The following ZNF362 variants were observed in gnomAD, a reference collection of about 807,000 sequenced individuals.
ZNF362 encodes zinc finger protein 362, also known as rotund homolog.
Under a neutral mutation model 42.9 loss-of-function variants are expected in ZNF362, and 11 were observed. The ratio of observed to expected loss-of-function variants is 0.26; its 90% CI spans 0.16 to 0.42. The LOEUF (loss-of-function observed/expected upper bound fraction) is 0.42, where lower values mean the gene tolerates loss of function less well. Ranked by LOEUF, ZNF362 falls within the 20% of genes least tolerant of loss-of-function variation. The pLI is 1.00. For missense variants in ZNF362, 362 were observed against 576.2 expected (o/e 0.63, Z 3.81); for synonymous variants, 255 against 257.3 (o/e 0.99, Z 0.09).
chr1:33,174,742 C>G, the ZNF362 span, among the ~76,000 whole-genome samples: 7 of 152,134 alleles, frequency 4.6e-5, no homozygotes, highest in Non-Finnish European at 7.3e-5. Context: ...TAGGATTCAG[C>G]TCAACAGAGC....
the ZNF362 span, among the ~76,000 whole-genome samples, chr1:33,155,495 C>A: frequency 6.6e-6 from 1 of 152,068 alleles, no homozygotes; most frequent in Non-Finnish European, 1.5e-5. Flanking sequence ...TCTCCCTGAG[C>A]CTTGGTCTCC....
At chr1:33,220,820 G>T in the ZNF362 span, among the ~76,000 whole-genome samples, 1 of 152,252 alleles carries the variant, frequency 6.6e-6, no homozygotes, top group East Asian at 1.9e-4. Context: ...GCGGGTGTGG[G>T]TACATTCAGC....
chr1:33,156,902 T>C, the ZNF362 span, among the ~76,000 whole-genome samples: 1 of 152,060 alleles, frequency 6.6e-6, no homozygotes, highest in Admixed American at 6.6e-5. Context: ...TGGCTGTCCT[T>C]ACAAAATATG....
chr1:33,155,569 G>A, the ZNF362 span, among the ~76,000 whole-genome samples: 914 of 152,254 alleles, frequency 6.0e-3, 16 homozygotes, highest in African/African-American at 0.021. Flanking sequence ...GGTAAGGAAG[G>A]GCACAGGCTC....
chr1:33,262,003 G>A (rs1407560786), intron 1 of ZNF362, among the ~76,000 whole-genome samples: 1 of 152,218 alleles, frequency 6.6e-6, no homozygotes, highest in Non-Finnish European at 1.5e-5. Flanking sequence ...GGCACTTGGG[G>A]GGAGATTGAG....
the ZNF362 span, chr1:33,147,127 T>C: frequency 6.3e-7 from 1 of 1,583,366 alleles, no homozygotes; most frequent in Non-Finnish European, 8.6e-7. The surrounding 1 kb of genome is among the most constrained non-coding windows in gnomAD (Gnocchi z 8.1). Flanking sequence ...TGGGCAGGGC[T>C]CTTGCAGGTG....
At chr1:33,188,369 G>T in the ZNF362 span, among the ~76,000 whole-genome samples, 6 of 152,180 alleles carry the variant, frequency 3.9e-5, no homozygotes, top group African/African-American at 7.2e-5. Flanking sequence ...TAAATAGCAG[G>T]ACCAGTGAAT....
the ZNF362 span, among the ~76,000 whole-genome samples, chr1:33,214,709 G>T: frequency 6.6e-6 from 1 of 152,128 alleles, no homozygotes; most frequent in African/African-American, 2.4e-5. Context: ...TTTCTCCAAA[G>T]AAGACCTACA....
the ZNF362 span, among the ~76,000 whole-genome samples, chr1:33,237,660 G>A: frequency 1.6e-4 from 24 of 152,138 alleles, no homozygotes; most frequent in Non-Finnish European, 1.6e-4. Context: ...TGGTGGAGTC[G>A]TTGGCAGAGG....
the ZNF362 span, among the ~76,000 whole-genome samples, chr1:33,211,563 C>T: frequency 6.6e-6 from 1 of 152,106 alleles, no homozygotes; most frequent in Admixed American, 6.6e-5. Flanking sequence ...TGAATATTGA[C>T]CCCCACTCTC....
At chr1:33,185,499 G>C in the ZNF362 span, among the ~76,000 whole-genome samples, 6 of 152,300 alleles carry the variant, frequency 3.9e-5, no homozygotes, top group African/African-American at 1.2e-4. Context: ...TGGGATTATA[G>C]GTGTGAGCCA....
At chr1:33,144,817 G>A in the ZNF362 span, among the ~76,000 whole-genome samples, 1 of 152,152 alleles carries the variant, frequency 6.6e-6, no homozygotes, top group Non-Finnish European at 1.5e-5. Flanking sequence ...TAAGGAGAAA[G>A]ACAGACTTCT....
At chr1:33,270,713 T>G in intron 2 of ZNF362, 101 bp downstream of exon 2, 1 of 1,547,948 alleles carries the variant, frequency 6.5e-7, no homozygotes. Flanking sequence ...GTGCCCCCGC[T>G]GCTACCCTCT....
chr1:33,260,247 G>A (rs968685316), intron 1 of ZNF362, among the ~76,000 whole-genome samples: 1 of 152,214 alleles, frequency 6.6e-6, no homozygotes, highest in Admixed American at 6.5e-5. Flanking sequence ...AATATCTGAA[G>A]TACTTTCTGG....
the ZNF362 span, among the ~76,000 whole-genome samples, chr1:33,154,253 G>A: frequency 4.6e-5 from 7 of 152,070 alleles, no homozygotes; most frequent in East Asian, 1.4e-3. Flanking sequence ...AGGCAAAAGT[G>A]CATCCAAGGC....
At chr1:33,225,769 G>A in the ZNF362 span, among the ~76,000 whole-genome samples, 1 of 152,158 alleles carries the variant, frequency 6.6e-6, no homozygotes, top group Non-Finnish European at 1.5e-5. Context: ...TTAGCTCAAT[G>A]CTGACATCAA....
At chr1:33,238,533 G>A in the ZNF362 span, among the ~76,000 whole-genome samples, 1 of 152,096 alleles carries the variant, frequency 6.6e-6, no homozygotes, top group Non-Finnish European at 1.5e-5. Flanking sequence ...GCCAAGCCTA[G>A]GTCAGGTGCT....
chr1:33,209,939 T>C, the ZNF362 span, among the ~76,000 whole-genome samples: 4 of 152,208 alleles, frequency 2.6e-5, no homozygotes, highest in African/African-American at 9.7e-5. Flanking sequence ...AGTTCTGCTC[T>C]GATCTTAGTT....
At chr1:33,133,135 G>A in the ZNF362 span, among the ~76,000 whole-genome samples, 1 of 152,130 alleles carries the variant, frequency 6.6e-6, no homozygotes, top group Non-Finnish European at 1.5e-5. Context: ...GTCACTTACA[G>A]TTACAGTTAC....
Sources: allele counts gnomAD v4.1 joint callset (sites outside exome capture counted in the v4.1 genomes callset), GRCh38; gene constraint gnomAD v4.1.1; non-coding constraint Gnocchi (gnomAD v3.1); transcripts MANE v1.5; gene names NCBI Gene and HGNC (gene_info 2026-07-23, HGNC 2026-07-21).